Variants in SOS1 observed in about 807,000 individuals in gnomAD.
SOS1 encodes SOS Ras/Rac guanine nucleotide exchange factor 1, also known as son of sevenless homolog 1.
SOS1 carries 25 observed loss-of-function variants against 157.6 expected under a neutral mutation model. That is an observed-to-expected ratio of 0.16 (90% CI 0.12 to 0.22). SOS1 has a LOEUF of 0.22. Ranked by LOEUF, SOS1 falls within the 10% of genes least tolerant of loss-of-function variation. The pLI is 1.00. For synonymous variants in SOS1, 528 were observed against 534.0 expected (o/e 0.99, Z 0.16); for missense variants, 1,237 against 1,599.1 (o/e 0.77, Z 3.86).
intron 1 of SOS1, among the ~76,000 whole-genome samples, chr2:39,117,647 A>G (rs1372703377): frequency 6.6e-6 from 1 of 152,258 alleles, no homozygotes; most frequent in Non-Finnish European, 1.5e-5. Context: ...TGACATGTTC[A>G]GAAGTGTCCT....
chr2:39,121,937 A>G (rs1673906827), upstream of SOS1, among the ~76,000 whole-genome samples: 1 of 152,192 alleles, frequency 6.6e-6, no homozygotes, highest in Non-Finnish European at 1.5e-5. Context: ...TTTAATCCCC[A>G]TAGCAACCCT....
intron 1 of SOS1, among the ~76,000 whole-genome samples, chr2:39,116,869 C>T (rs1673669558): frequency 6.6e-6 from 1 of 152,000 alleles, no homozygotes; most frequent in Non-Finnish European, 1.5e-5. Context: ...CAAAAACAAA[C>T]AAAAGAAACT....
intron 8 of SOS1, among the ~76,000 whole-genome samples, chr2:39,030,664 T>A (rs1670129912): frequency 6.6e-6 from 1 of 152,104 alleles, no homozygotes; most frequent in African/African-American, 2.4e-5. Context: ...AAAATTTAAT[T>A]TTTATAGTGT....
At chr2:39,001,566 T>C (rs1254565810) in intron 17 of SOS1, among the ~76,000 whole-genome samples, 1 of 152,210 alleles carries the variant, frequency 6.6e-6, no homozygotes, top group Non-Finnish European at 1.5e-5. Flanking sequence ...TATCAGCTAC[T>C]ATCCCTGACC....
intron 2 of SOS1, among the ~76,000 whole-genome samples, chr2:39,067,054 A>C (rs1421037630): frequency 6.6e-6 from 1 of 151,750 alleles, no homozygotes. Flanking sequence ...TTTTTTTTGG[A>C]GTCATGGTTC....
intron 8 of SOS1, among the ~76,000 whole-genome samples, chr2:39,027,095 G>A (rs1360910551): frequency 6.6e-6 from 1 of 152,038 alleles, no homozygotes; most frequent in Non-Finnish European, 1.5e-5. Flanking sequence ...ATAACTAACA[G>A]GTAGCAGAAT....
At chr2:39,006,344 G>T (rs1238261515) in intron 17 of SOS1, 68 bp downstream of exon 17, 3 of 826,486 alleles carry the variant, frequency 3.6e-6, no homozygotes, top group Non-Finnish European at 6.5e-6. Flanking sequence ...TAATTATTCA[G>T]TCATTTAATG....
intron 3 of SOS1, among the ~76,000 whole-genome samples, chr2:39,057,889 C>A (rs1462920653): frequency 2.9e-5 from 1 of 34,026 alleles, no homozygotes; most frequent in East Asian, 4.9e-4. Flanking sequence ...CCTGAACTTT[C>A]TAACACTATC....
chr2:39,041,398 T>A (rs1338291162), intron 6 of SOS1, among the ~76,000 whole-genome samples: 1 of 152,224 alleles, frequency 6.6e-6, no homozygotes, highest in Non-Finnish European at 1.5e-5. Context: ...CATTTTTAAA[T>A]TGGGTTATCT....
At chr2:39,029,399 G>A (rs1670079312) in intron 8 of SOS1, among the ~76,000 whole-genome samples, 1 of 152,128 alleles carries the variant, frequency 6.6e-6, no homozygotes, top group African/African-American at 2.4e-5. Context: ...GCTGAGGTGG[G>A]CAGATCACTT....
intron 1 of SOS1, among the ~76,000 whole-genome samples, chr2:39,073,697 A>G (rs956644655): frequency 1.3e-5 from 2 of 152,184 alleles, no homozygotes; most frequent in South Asian, 2.1e-4. Flanking sequence ...ATTTAGGTGT[A>G]TATCGATTCC....
At chr2:39,025,919 T>A (rs1371201398) in intron 8 of SOS1, among the ~76,000 whole-genome samples, 1 of 152,236 alleles carries the variant, frequency 6.6e-6, no homozygotes, top group Non-Finnish European at 1.5e-5. Context: ...ATTCTAGAAG[T>A]AATGAATACC....
chr2:39,002,023 A>C (rs1332042511), intron 17 of SOS1, among the ~76,000 whole-genome samples: 5 of 152,218 alleles, frequency 3.3e-5, no homozygotes, highest in African/African-American at 1.2e-4. Context: ...CTTTCACTTA[A>C]GAACATGTTA....
chr2:39,067,305 C>T (rs1026956284), intron 2 of SOS1, among the ~76,000 whole-genome samples: 2 of 152,152 alleles, frequency 1.3e-5, no homozygotes, highest in African/African-American at 2.4e-5. Context: ...TGAGCCACCA[C>T]ATCAGGCCAA....
intron 5 of SOS1, among the ~76,000 whole-genome samples, chr2:39,051,701 A>T (rs1671022438): frequency 1.3e-5 from 2 of 152,044 alleles, no homozygotes; most frequent in African/African-American, 4.8e-5. Flanking sequence ...AAGTAACCAA[A>T]TTTTTTTTAA....
intron 6 of SOS1, among the ~76,000 whole-genome samples, chr2:39,041,559 T>C (rs1027166236): frequency 6.6e-6 from 1 of 152,232 alleles, no homozygotes; most frequent in African/African-American, 2.4e-5. Context: ...ACTTTTTCTT[T>C]TATAGCTTGT....
intron 1 of SOS1, among the ~76,000 whole-genome samples, chr2:39,085,662 C>T (rs192191674): frequency 7.2e-5 from 11 of 152,308 alleles, no homozygotes; most frequent in Non-Finnish European, 1.5e-4. Flanking sequence ...AACTGATTTA[C>T]TAGATGAACT....
chr2:39,027,903 A>G (rs571642531), intron 8 of SOS1, among the ~76,000 whole-genome samples: 23 of 150,186 alleles, frequency 1.5e-4, no homozygotes, highest in Non-Finnish European at 2.5e-4. Flanking sequence ...ATCTTAGCTC[A>G]CTGCAACCTC....
intron 15 of SOS1, chr2:39,007,588 T>C (rs1038218881): frequency 3.2e-4 from 56 of 177,324 alleles, no homozygotes; most frequent in Non-Finnish European, 8.3e-5. Context: ...ATTTTAGTGA[T>C]TAATGCTCAA....
Sources: gnomAD v4.1 joint callset for allele counts (sites outside exome capture counted in the v4.1 genomes callset) on GRCh38, gnomAD v4.1.1 for gene constraint, MANE v1.5 for transcripts, NCBI Gene and HGNC (gene_info 2026-07-23, HGNC 2026-07-21) for gene names.